The following LRRC8C variants were observed in gnomAD, a reference collection of about 807,000 sequenced individuals.
LRRC8C encodes volume-regulated anion channel subunit LRRC8C.
LRRC8C carries 20 observed loss-of-function variants against 55.3 expected under a neutral mutation model. The observed-to-expected ratio is 0.36, with a 90% CI of 0.25 to 0.53. The LOEUF is 0.53. Ranked by LOEUF, LRRC8C falls within the 20% of genes least tolerant of loss-of-function variation. The probability of loss-of-function intolerance (pLI) is 0.92; values close to 1 mark genes in which losing one functional copy is unlikely to be tolerated. For missense variants in LRRC8C, 659 were observed against 951.4 expected, an observed-to-expected ratio of 0.69 and a Z score of 4.04; for synonymous variants, 376 against 360.7, an observed-to-expected ratio of 1.04 and a Z score of -0.48.
chr1:89,682,151 T>C (rs1035229217), intron 1 of LRRC8C, among the ~76,000 whole-genome samples: 8 of 152,312 alleles, frequency 5.3e-5, no homozygotes, highest in Non-Finnish European at 1.0e-4. Flanking sequence ...CACTCCAGCC[T>C]GGGCGACAGA....
intron 1 of LRRC8C, among the ~76,000 whole-genome samples, chr1:89,644,777 C>A (rs1475412687): frequency 6.6e-6 from 1 of 152,198 alleles, no homozygotes; most frequent in Non-Finnish European, 1.5e-5. Context: ...CAGAAGTGCT[C>A]ATGAGAGGAG....
At chr1:89,621,337 C>A in the LRRC8C span, among the ~76,000 whole-genome samples, 1 of 150,864 alleles carries the variant, frequency 6.6e-6, no homozygotes, top group East Asian at 1.9e-4. Flanking sequence ...GGCGTGGTGG[C>A]AGGCGCCTGT....
At chr1:89,687,506 G>A (rs761245496) in intron 2 of LRRC8C, among the ~76,000 whole-genome samples, 1 of 152,172 alleles carries the variant, frequency 6.6e-6, no homozygotes, top group Non-Finnish European at 1.5e-5. Flanking sequence ...CTGAAGCCAT[G>A]CTTGCAAATG....
chr1:89,650,855 T>G (rs1174914448), intron 1 of LRRC8C, among the ~76,000 whole-genome samples: 1 of 152,172 alleles, frequency 6.6e-6, no homozygotes, highest in African/African-American at 2.4e-5. Context: ...GGAGTCCTGT[T>G]TTAACTCCAA....
the LRRC8C span, among the ~76,000 whole-genome samples, chr1:89,622,990 C>T: frequency 1.3e-5 from 2 of 152,054 alleles, no homozygotes; most frequent in East Asian, 1.9e-4. Flanking sequence ...AAAGAATATT[C>T]GAGACACTTA....
chr1:89,637,481 G>T lies in LRRC8C; in HGVS notation c.-5+4159G>T, dbSNP rs577585145. Among the ~76,000 whole-genome samples the T allele has an allele frequency of 2.6e-5, 4 of 151,478 alleles. No homozygotes were observed. The South Asian group carries it at 8.4e-4, about 32-fold the overall frequency. ...TATAAATATGACTCACTATAAATATGAGGGGTAGAAAAATAAAATGGAAGA... is the reference window on the plus strand; with the variant it reads ...TATAAATATGACTCACTATAAATATTAGGGGTAGAAAAATAAAATGGAAGA... On this transcript the variant is annotated intron_variant, in intron 1 of 2. Coordinates refer to ENST00000370454, the MANE Select transcript of LRRC8C (RefSeq NM_032270.5).
the LRRC8C span, among the ~76,000 whole-genome samples, chr1:89,624,361 AAT>A: frequency 7.9e-5 from 12 of 152,362 alleles, no homozygotes; most frequent in East Asian, 2.3e-3. Flanking sequence ...ACTGTCTTCC[AAT>A]AGTCACCAAT....
intron 1 of LRRC8C, among the ~76,000 whole-genome samples, chr1:89,663,677 G>T (rs764801231): frequency 5.3e-5 from 8 of 151,994 alleles, no homozygotes; most frequent in Non-Finnish European, 1.2e-4. Context: ...GGTGTTTCCA[G>T]TTCCAGATCC....
intron 1 of LRRC8C, among the ~76,000 whole-genome samples, chr1:89,685,181 C>G (rs1003692253): frequency 3.5e-5 from 5 of 142,776 alleles, no homozygotes; most frequent in Admixed American, 2.2e-4. Context: ...TGCAGTGGCG[C>G]AATCTCGGCT....
chr1:89,645,306 T>C (rs772683992), intron 1 of LRRC8C, among the ~76,000 whole-genome samples: 3 of 151,532 alleles, frequency 2.0e-5, no homozygotes, highest in Non-Finnish European at 2.9e-5. Context: ...CATGTATTGA[T>C]AGAAATAATA....
chr1:89,709,772 G>A (rs1658594887), intron 2 of LRRC8C, among the ~76,000 whole-genome samples: 1 of 140,510 alleles, frequency 7.1e-6, no homozygotes, highest in Non-Finnish European at 1.5e-5. Context: ...TTTTGTTTGA[G>A]ACGGAGTCTC....
At chr1:89,663,146 A>G (rs147968402) in intron 1 of LRRC8C, among the ~76,000 whole-genome samples, 1,769 of 152,308 alleles carry the variant, frequency 0.012, 40 homozygotes, top group African/African-American at 0.04. Flanking sequence ...TGCAAAGGAC[A>G]TGAACTCAGC....
chr1:89,670,474 A>G (rs1018519631), intron 1 of LRRC8C, among the ~76,000 whole-genome samples: 3 of 151,986 alleles, frequency 2.0e-5, no homozygotes, highest in Non-Finnish European at 2.9e-5. Flanking sequence ...TTTACAACAT[A>G]TGTTTTCTGC....
In LRRC8C at chr1:89,633,274, G is replaced by C. The variant is rs936658940; in HGVS notation, c.-53G>C. ...AGCCGCTGAGCCCGACCCCCAGGCAGCTCGCCGCTCCCTAGCACCTTCTCC... is the reference window on the plus strand; with the variant it reads ...AGCCGCTGAGCCCGACCCCCAGGCACCTCGCCGCTCCCTAGCACCTTCTCC... On this transcript the variant is annotated 5_prime_UTR_variant, in exon 1 of 3. Coordinates refer to ENST00000370454, the MANE Select transcript of LRRC8C (RefSeq NM_032270.5). 12 of 152,462 alleles carry C rather than the reference G, an allele frequency of 7.9e-5. No homozygotes were observed. Among genetic ancestry groups the C allele is most frequent in the African/African-American group, 2.9e-4 (12 of 41,462 alleles). 9.4% of individuals were successfully genotyped at this position (152,462 alleles called of 1,614,324 possible).
intron 1 of LRRC8C, among the ~76,000 whole-genome samples, chr1:89,656,954 A>AGG (rs1656960902): frequency 1.3e-5 from 2 of 152,036 alleles, no homozygotes; most frequent in African/African-American, 2.4e-5. Context: ...CCAAGTGTGC[A>AGG]TGATTCAAAG....
At position 89,713,407 on chromosome 1, in the gene LRRC8C, T is replaced by C; in HGVS notation, c.837T>C (p.Tyr279=). 6.2e-7 allele frequency: 1 copy of C among 1,614,190 alleles called. No individual in the cohort carries two copies. The highest frequency in any genetic ancestry group is 8.5e-7 in the Non-Finnish European group (1 of 1,180,022). Residue 279 remains tyrosine, a synonymous_variant, in exon 3 of 3, where the codon TAT becomes TAC. Transcript: ENST00000370454. The surrounding 1 kb of genome is among the most constrained non-coding windows in gnomAD (Gnocchi z 5.2). ...KVIKFLIIIA[Y]NSALVSKVQF... ...TCAAATTCCTAATCATCATTGCATATAATAGTGCTCTGGTTTCCAAGGTCC... is the reference window on the plus strand; with the variant it reads ...TCAAATTCCTAATCATCATTGCATACAATAGTGCTCTGGTTTCCAAGGTCC...
rs1557674518 is a variant in LRRC8C, at chr1:89,719,201, T to A, written c.*4219T>A. Reference sequence around the variant, plus strand: ...GGAAAACTTAATTTCTTGGCTGTGTTTGATAACAGTTCCTATGCATGGTTT... The same window carrying A: ...GGAAAACTTAATTTCTTGGCTGTGTATGATAACAGTTCCTATGCATGGTTT... On this transcript the variant is annotated 3_prime_UTR_variant, in exon 3 of 3. Transcript: ENST00000370454. The A allele has an allele frequency of 6.6e-6, 1 of 152,332 alleles. No homozygotes were observed. Among genetic ancestry groups the A allele is most frequent in the East Asian group, 1.9e-4 (1 of 5,186 alleles). 9.4% of individuals were successfully genotyped at this position (152,332 alleles called of 1,614,324 possible). A position where few individuals can be genotyped will look rare whatever the true frequency, so the allele number is the denominator to read the frequency against.
At chr1:89,656,323 C>T (rs1262027875) in intron 1 of LRRC8C, among the ~76,000 whole-genome samples, 1 of 152,224 alleles carries the variant, frequency 6.6e-6, no homozygotes, top group Non-Finnish European at 1.5e-5. Flanking sequence ...ATCTCCACAT[C>T]ATCGGGTCTA....
chr1:89,649,506 G>A (rs766533242), intron 1 of LRRC8C, among the ~76,000 whole-genome samples: 1 of 151,878 alleles, frequency 6.6e-6, no homozygotes, highest in Non-Finnish European at 1.5e-5. Context: ...TCTTTTTGTT[G>A]TGTGTCCAGA....
Sources: allele counts gnomAD v4.1 joint callset (sites outside exome capture counted in the v4.1 genomes callset), GRCh38; gene constraint gnomAD v4.1.1; non-coding constraint Gnocchi (gnomAD v3.1); transcripts MANE v1.5; gene names NCBI Gene and HGNC (gene_info 2026-07-23, HGNC 2026-07-21).